The following KDM4C variants were observed in gnomAD, a reference collection of about 807,000 sequenced individuals.
The protein encoded by KDM4C is lysine-specific demethylase 4C.
KDM4C carries 81 observed loss-of-function variants against 129.3 expected under a neutral mutation model. The ratio of observed to expected loss-of-function variants is 0.63; its 90% CI spans 0.52 to 0.75. KDM4C has a LOEUF of 0.75. Ranked by LOEUF, KDM4C falls within the 30% of genes least tolerant of loss-of-function variation. The pLI, the probability that KDM4C is intolerant of heterozygous loss-of-function variation, is 0.00. For synonymous variants in KDM4C, 573 were observed against 456.1 expected (o/e 1.26, Z -3.26); for missense variants, 1,457 against 1,304.0 (o/e 1.12, Z -1.81).
intron 5 of KDM4C, among the ~76,000 whole-genome samples, chr9:6,861,630 A>G (rs915119353): frequency 6.6e-6 from 1 of 152,120 alleles, no homozygotes; most frequent in Non-Finnish European, 1.5e-5. Flanking sequence ...AATATAGCCA[A>G]TTGTCATGAA....
At chr9:6,784,538 A>G (rs1189003831) in intron 1 of KDM4C, among the ~76,000 whole-genome samples, 2 of 152,108 alleles carry the variant, frequency 1.3e-5, no homozygotes, top group Non-Finnish European at 2.9e-5. Flanking sequence ...GGCCCACTGT[A>G]TTCTTTATAG....
chr9:6,734,781 G>C (rs1252467190), intron 1 of KDM4C: 6 of 390,540 alleles, frequency 1.5e-5, no homozygotes, highest in Non-Finnish European at 3.0e-5. Flanking sequence ...AAATATGTTT[G>C]TAAATGAAAT....
chr9:6,727,283 T>C (rs914815646), intron 1 of KDM4C: 4 of 151,362 alleles, frequency 2.6e-5, no homozygotes, highest in African/African-American at 9.7e-5. Context: ...AAACCCCGTC[T>C]CTACTAAAAA....
intron 21 of KDM4C, among the ~76,000 whole-genome samples, chr9:7,172,968 T>C (rs910722080): frequency 1.3e-5 from 2 of 152,244 alleles, no homozygotes; most frequent in Non-Finnish European, 2.9e-5. Context: ...GTGCCTACCA[T>C]AGACTTTAGG....
chr9:6,856,583 T>TGTGTG (rs1491295273), intron 5 of KDM4C, among the ~76,000 whole-genome samples: 4 of 132,290 alleles, frequency 3.0e-5, no homozygotes, highest in South Asian at 2.9e-4. Context: ...TGTGTGTGTA[T>TGTGTG]TTTTTTTTGA....
rs1014891188 is a variant in KDM4C, at chr9:6,805,626, A to G, written c.172A>G (p.Arg58Gly). The G allele has an allele frequency of 6.2e-7, 1 of 1,613,490 alleles. No individual in the cohort carries two copies. Among genetic ancestry groups the G allele is most frequent in the African/African-American group, 1.3e-5 (1 of 74,912 alleles). Residue 58 changes from arginine to glycine, a missense_variant, in exon 3 of 22, where the codon AGA (arginine) becomes GGA (glycine). Arg to Gly is a moderately radical substitution (Grantham distance 125, BLOSUM62 -2). Coordinates refer to ENST00000381309, the MANE Select transcript of KDM4C (RefSeq NM_015061.6). ...KVIPPKEWKP[R>G]QCYDDIDNLL... is the part of the protein sequence containing the mutation. Reference sequence around the variant, plus strand: ...GATTCCTCCTAAGGAGTGGAAGCCAAGACAGTGCTATGATGACATTGATAA... The same window carrying G: ...GATTCCTCCTAAGGAGTGGAAGCCAGGACAGTGCTATGATGACATTGATAA...
At chr9:7,006,216 T>C (rs1194245670) in intron 12 of KDM4C, among the ~76,000 whole-genome samples, 1 of 152,244 alleles carries the variant, frequency 6.6e-6, no homozygotes, top group Admixed American at 6.5e-5. Flanking sequence ...TGTCTTAAGA[T>C]ACTCAAAGTG....
intron 1 of KDM4C, among the ~76,000 whole-genome samples, chr9:6,791,754 G>A (rs1002505619): frequency 2.0e-5 from 3 of 152,188 alleles, no homozygotes; most frequent in Non-Finnish European, 4.4e-5. Context: ...CAGACACAGT[G>A]GCTCATGCCT....
chr9:6,771,172 C>T (rs1461496878), intron 1 of KDM4C, among the ~76,000 whole-genome samples: 3 of 138,180 alleles, frequency 2.2e-5, no homozygotes, highest in Non-Finnish European at 4.6e-5. Flanking sequence ...AAGTGATCCT[C>T]TTGCCTTGGC....
chr9:6,922,861 G>A (rs193021788), intron 8 of KDM4C, among the ~76,000 whole-genome samples: 1 of 152,348 alleles, frequency 6.6e-6, no homozygotes, highest in East Asian at 1.9e-4. Context: ...TTCAGGAAGA[G>A]ATGCTTATCT....
chr9:7,126,550 G>A (rs1467199972), intron 18 of KDM4C, among the ~76,000 whole-genome samples: 1 of 152,164 alleles, frequency 6.6e-6, no homozygotes, highest in East Asian at 1.9e-4. Context: ...GATGAATAGG[G>A]ATATCACTCT....
chr9:6,806,918 C>CCCTCTCCCTCTT, intron 3 of KDM4C, among the ~76,000 whole-genome samples: 1 of 150,696 alleles, frequency 6.6e-6, no homozygotes, highest in African/African-American at 2.4e-5. Flanking sequence ...CTCTCCCTCT[C>CCCTCTCCCTCTT]CGTCTCCCCA....
intron 8 of KDM4C, among the ~76,000 whole-genome samples, chr9:6,901,793 A>T (rs761773824): frequency 1.3e-5 from 2 of 152,174 alleles, no homozygotes; most frequent in Non-Finnish European, 2.9e-5. Flanking sequence ...CGTGACACAT[A>T]TTTACTTTTA....
intron 15 of KDM4C, among the ~76,000 whole-genome samples, chr9:7,029,523 A>T (rs1318152452): frequency 6.6e-6 from 1 of 151,930 alleles, no homozygotes; most frequent in Non-Finnish European, 1.5e-5. Context: ...TAATAGGAGA[A>T]TTTTTTGTGT....
At chr9:7,036,650 A>G (rs1297077079) in intron 15 of KDM4C, among the ~76,000 whole-genome samples, 1 of 152,204 alleles carries the variant, frequency 6.6e-6, no homozygotes, top group Non-Finnish European at 1.5e-5. Context: ...ATGAAGAAAA[A>G]CTAAATTTCT....
At position 6,721,662 on chromosome 9, in the gene KDM4C, C is replaced by G. The variant is rs932355106; in HGVS notation, c.49+665C>G. On this transcript the variant is annotated intron_variant, in intron 1 of 17. Coordinates refer to the KDM4C transcript ENST00000536108. ...GTAGTGCAGTGGCGTGGTCTCGGCT[C>G]ACTGCAACCTCCGCCTCCCGGGTTC... 9.3e-5 allele frequency among the ~76,000 whole-genome samples: 14 copies of G among 150,786 alleles called. No individual in the cohort carries two copies. The East Asian group carries it at 1.2e-3, about 13-fold the overall frequency.
chr9:7,055,655 A>G (rs1441580296), intron 17 of KDM4C, among the ~76,000 whole-genome samples: 2 of 152,240 alleles, frequency 1.3e-5, no homozygotes, highest in African/African-American at 2.4e-5. Flanking sequence ...TTCCATCTCA[A>G]GAGTTGAATC....
At chr9:7,006,061 A>G (rs572350011) in intron 12 of KDM4C, among the ~76,000 whole-genome samples, 1 of 152,390 alleles carries the variant, frequency 6.6e-6, no homozygotes, top group African/African-American at 2.4e-5. Flanking sequence ...ATAAAAAGCA[A>G]CGAAAAATAA....
rs1475567713 is a variant in KDM4C at position 6,816,249 on chromosome 9, T to G, written c.435+1504T>G. ...TATATTATTTTAAAACCTTTTTTAT[T>G]TTGAAATATAAAACAAGCTAGAAAG... On this transcript the variant is annotated intron_variant, in intron 4 of 21. Transcript: ENST00000381309. Among the ~76,000 whole-genome samples the G allele has an allele frequency of 2.0e-5, 3 of 152,190 alleles. No individual in the cohort carries two copies. In the East Asian group the frequency reaches 5.8e-4, roughly 29 times the overall value.
Sources: allele counts gnomAD v4.1 joint callset (sites outside exome capture counted in the v4.1 genomes callset), GRCh38; gene constraint gnomAD v4.1.1; transcripts MANE v1.5; gene names NCBI Gene and HGNC (gene_info 2026-07-23, HGNC 2026-07-21).